The following PAPPA variants were observed in gnomAD, a reference collection of about 807,000 sequenced individuals.
PAPPA encodes pappalysin 1.
PAPPA carries 60 observed loss-of-function variants against 164.0 expected under a neutral mutation model. The observed-to-expected ratio is 0.37, with a 90% CI of 0.30 to 0.45. PAPPA has a LOEUF of 0.45. PAPPA is among the 20% of genes least tolerant of loss of function. The pLI is 1.00. For missense variants in PAPPA, 1,782 were observed against 2,087.3 expected (o/e 0.85, Z 2.85); for synonymous variants, 875 against 814.1 (o/e 1.07, Z -1.27).
intron 1 of PAPPA, among the ~76,000 whole-genome samples, chr9:116,175,185 G>A (rs1330669502): frequency 6.6e-6 from 1 of 152,170 alleles, no homozygotes; most frequent in African/African-American, 2.4e-5. Flanking sequence ...GAAAGTTGAA[G>A]GGGCTTATAT....
At chr9:116,238,249 C>G (rs974895803) in intron 7 of PAPPA, among the ~76,000 whole-genome samples, 2 of 152,256 alleles carry the variant, frequency 1.3e-5, no homozygotes, top group African/African-American at 4.8e-5. Context: ...GGCCCCAGAC[C>G]AATGGCATCA....
chr9:116,200,730 G>A (rs557348536), intron 2 of PAPPA, among the ~76,000 whole-genome samples: 47 of 152,114 alleles, frequency 3.1e-4, no homozygotes, highest in African/African-American at 1.1e-3. Flanking sequence ...AAAGTTTCTG[G>A]CTTAAACATG....
rs1205827980 is a variant in PAPPA at position 116,369,331 on chromosome 9, G to A, written c.4605+1577G>A. ...ACCCAGGCATGCAGGGAGCCCACAT[G>A]TCAGAATCTCAAGGCAGCTAGAGAT... On this transcript the variant is annotated intron_variant, in intron 19 of 21. Transcript: ENST00000328252. Among the ~76,000 whole-genome samples, 4 of 152,154 alleles carry A rather than the reference G, an allele frequency of 2.6e-5. No homozygotes were observed. In the East Asian group the frequency reaches 5.8e-4, roughly 22 times the overall value.
chr9:116,198,035 G>T (rs1171674035), intron 2 of PAPPA, among the ~76,000 whole-genome samples: 1 of 152,144 alleles, frequency 6.6e-6, no homozygotes, highest in African/African-American at 2.4e-5. Context: ...GATTGTCTTT[G>T]CTTAGTTGTG....
At chr9:116,331,418 C>T (rs1845989778) in intron 11 of PAPPA, 61 bp downstream of exon 11, 1 of 965,558 alleles carries the variant, frequency 1.0e-6, no homozygotes. Flanking sequence ...AACACTGACT[C>T]CCATGACCCT....
chr9:116,392,660 CAG>C (rs1846909819), intron 21 of PAPPA, among the ~76,000 whole-genome samples: 1 of 152,168 alleles, frequency 6.6e-6, no homozygotes, highest in South Asian at 2.1e-4. Flanking sequence ...AAGCTTGTAA[CAG>C]AGGAGGCTCT....
intron 7 of PAPPA, among the ~76,000 whole-genome samples, chr9:116,238,955 A>G (rs182445778): frequency 3.9e-5 from 6 of 152,300 alleles, no homozygotes; most frequent in East Asian, 3.9e-4. Context: ...CATTTTTTCC[A>G]TATCAAATAA....
rs771336841 is a variant in PAPPA, at chr9:116,248,002, A to G, written c.2732+12365A>G. On this transcript the variant is annotated intron_variant, in intron 7 of 21. Coordinates refer to ENST00000328252, the MANE Select transcript of PAPPA (RefSeq NM_002581.5). The stretch of plus-strand genomic sequence containing the variant: ...GACTTGCAAGAACATGATGCAATCT[A>G]GTGAACTGTAAAGATTTAAATGTTC... Among the ~76,000 whole-genome samples the G allele has an allele frequency of 1.5e-4, 23 of 152,250 alleles. 1 individual carries two copies. The highest frequency in any genetic ancestry group is 7.2e-5 in the African/African-American group (3 of 41,468).
intron 19 of PAPPA, among the ~76,000 whole-genome samples, chr9:116,372,050 T>TGTGTCCTAAACCTTCTTTTTC (rs1177676995): frequency 1.4e-4 from 22 of 152,218 alleles, no homozygotes; most frequent in Non-Finnish European, 5.9e-5. Flanking sequence ...CCTTCTTTTT[T>TGTGTCCTAAACCTTCTTTTTC]GTGTCCTAAA....
At chr9:116,321,399 T>C (rs1483512004) in intron 10 of PAPPA, among the ~76,000 whole-genome samples, 1 of 152,206 alleles carries the variant, frequency 6.6e-6, no homozygotes, top group Non-Finnish European at 1.5e-5. Context: ...CAAGAGCTCA[T>C]TCTTCCCCTC....
intron 20 of PAPPA, among the ~76,000 whole-genome samples, chr9:116,381,156 T>G (rs1846725578): frequency 6.6e-6 from 1 of 152,186 alleles, no homozygotes; most frequent in East Asian, 1.9e-4. Flanking sequence ...CTTTATTTCA[T>G]TAGTGGGAGT....
intron 21 of PAPPA, among the ~76,000 whole-genome samples, chr9:116,384,894 C>A (rs1033382495): frequency 4.6e-5 from 7 of 152,162 alleles, no homozygotes; most frequent in African/African-American, 1.7e-4. Flanking sequence ...GGAGAAAGAG[C>A]AGCTCTGTTT....
intron 10 of PAPPA, among the ~76,000 whole-genome samples, chr9:116,308,455 A>G (rs1845674519): frequency 6.6e-6 from 1 of 152,210 alleles, no homozygotes; most frequent in African/African-American, 2.4e-5. Context: ...AAGCTACTAC[A>G]AAAATAGGAA....
chr9:116,273,080 G>GA (rs1257651926), intron 9 of PAPPA, among the ~76,000 whole-genome samples: 1 of 152,148 alleles, frequency 6.6e-6, no homozygotes, highest in Non-Finnish European at 1.5e-5. Flanking sequence ...AGACCATGCT[G>GA]AAAAATATCT....
At chr9:116,378,417 C>T (rs1287305258) in intron 20 of PAPPA, among the ~76,000 whole-genome samples, 1 of 152,122 alleles carries the variant, frequency 6.6e-6, no homozygotes, top group East Asian at 1.9e-4. Context: ...AAAAAGCGGC[C>T]CCAAATCCCT....
chr9:116,253,825 G>A (rs1844890129), intron 7 of PAPPA, among the ~76,000 whole-genome samples: 1 of 152,138 alleles, frequency 6.6e-6, no homozygotes, highest in African/African-American at 2.4e-5. Flanking sequence ...AAATAAAATA[G>A]AATATAAAAA....
In PAPPA at chr9:116,154,482, G is replaced by C; in HGVS notation, c.310G>C (p.Glu104Gln). Reference sequence around the variant, plus strand: ...GGCGCTCTATTTCAGCGGGCGAGGCGAGCAGCTGCGCCTCCGGGCCGACCT... The same window carrying C: ...GGCGCTCTATTTCAGCGGGCGAGGCCAGCAGCTGCGCCTCCGGGCCGACCT... ...SRALYFSGRG[E>Q]QLRLRADLEL... Residue 104 changes from glutamate (E) to glutamine (Q), a missense_variant, in exon 1 of 22, where the codon GAG becomes CAG. Physicochemically the swap from Glu to Gln is conservative, Grantham distance 29. This residue lies in a region of PAPPA where 458 missense variants were observed against 430.3 expected (regional missense o/e 1.06). Coordinates refer to ENST00000328252, the MANE Select transcript of PAPPA (RefSeq NM_002581.5). The surrounding 1 kb of genome is among the most constrained non-coding windows in gnomAD (Gnocchi z 5.2). 7.6e-7 allele frequency: 1 copy of C among 1,307,946 alleles called. No homozygotes were observed. Among genetic ancestry groups the C allele is most frequent in the Non-Finnish European group, 9.7e-7 (1 of 1,026,804 alleles). 81.0% of individuals were successfully genotyped at this position (1,307,946 alleles called of 1,614,324 possible).
chr9:116,364,995 G>T (rs1285354556), intron 18 of PAPPA, among the ~76,000 whole-genome samples: 1 of 152,184 alleles, frequency 6.6e-6, no homozygotes, highest in Non-Finnish European at 1.5e-5. Context: ...AGGGAGACAG[G>T]AAGACTGAGG....
intron 9 of PAPPA, among the ~76,000 whole-genome samples, chr9:116,292,501 A>G (rs749706527): frequency 2.0e-5 from 3 of 152,188 alleles, no homozygotes; most frequent in Non-Finnish European, 4.4e-5. Context: ...TGAGCTGAAA[A>G]AAAGTAGGAC....
Sources: gnomAD v4.1 joint callset for allele counts (sites outside exome capture counted in the v4.1 genomes callset) on GRCh38, gnomAD v4.1.1 for gene constraint, gnomAD v4.1.1 regional missense constraint, Gnocchi (gnomAD v3.1) non-coding constraint, MANE v1.5 for transcripts, NCBI Gene and HGNC (gene_info 2026-07-23, HGNC 2026-07-21) for gene names.